OPHN1: variants seen among roughly 807,000 people sequenced by gnomAD.
OPHN1 encodes the protein oligophrenin-1.
A neutral mutation model predicts 60.7 loss-of-function variants in OPHN1; 11 were observed. That is an observed-to-expected ratio of 0.18 (90% CI 0.11 to 0.30). OPHN1 has a LOEUF of 0.30. OPHN1 is among the 10% of genes least tolerant of loss of function. The pLI is 1.00. For missense variants in OPHN1, 449 were observed against 611.0 expected, an observed-to-expected ratio of 0.73 and a Z score of 2.80; for synonymous variants, 226 against 222.6, an observed-to-expected ratio of 1.02 and a Z score of -0.14.
chrX:68,339,922 A>G (rs769651788), intron 2 of OPHN1, among the ~76,000 whole-genome samples: 18 of 112,465 alleles, frequency 1.6e-4, no homozygotes, highest in Non-Finnish European at 2.8e-4. Context: ...ATTTCTATAC[A>G]CTAGCAATAA....
rs1602150089 is a variant in OPHN1 at position 68,092,430 on chromosome X, G to A, written c.1686+4440C>T. Reference sequence around the variant, plus strand: ...AACTTGATAAGTATTTAATAAACTGGGATTTCATTTCATATCTCCATGTAA... The same window carrying A: ...AACTTGATAAGTATTTAATAAACTGAGATTTCATTTCATATCTCCATGTAA... On this transcript the variant is annotated intron_variant, in intron 19 of 24. Coordinates refer to ENST00000355520, the MANE Select transcript of OPHN1 (RefSeq NM_002547.3). Among the ~76,000 whole-genome samples the A allele has an allele frequency of 4.5e-5, 5 of 111,393 alleles. No homozygotes were observed. In the South Asian group the frequency reaches 1.9e-3, roughly 42 times the overall value.
intron 15 of OPHN1, among the ~76,000 whole-genome samples, chrX:68,155,755 A>G (rs1213175431): frequency 8.9e-6 from 1 of 111,908 alleles, no homozygotes; most frequent in East Asian, 2.8e-4. Context: ...ATATCTTACT[A>G]GAAAACCCAA....
intron 7 of OPHN1, 38 bp downstream of exon 7, chrX:68,213,823 TA>T: frequency 1.2e-6 from 1 of 808,721 alleles, no homozygotes; most frequent in Non-Finnish European, 1.9e-6. Flanking sequence ...AGGCATTTGA[TA>T]AATATTTTTA....
chrX:68,404,744 A>G (rs2078733243), intron 2 of OPHN1, among the ~76,000 whole-genome samples: 1 of 112,146 alleles, frequency 8.9e-6, no homozygotes, highest in African/African-American at 3.2e-5. Context: ...GAATAAACCA[A>G]AAAAAGAAAG....
At chrX:68,132,790 G>C (rs1323929007) in intron 15 of OPHN1, 2 of 176,000 alleles carry the variant, frequency 1.1e-5, no homozygotes, top group Non-Finnish European at 2.1e-5. Context: ...GGCTTGGCTG[G>C]CGAGCCCCAC....
In OPHN1 at chrX:68,380,376, A is replaced by T. The variant is rs754783110; in HGVS notation, c.154+52491T>A. ...TCAATTTTGTTGATCCTTTCAAAAA[A>T]CGAGCTCCTGTATTCATTGATTTTT... On this transcript the variant is annotated intron_variant, in intron 2 of 24. Coordinates refer to ENST00000355520, the MANE Select transcript of OPHN1 (RefSeq NM_002547.3). Among the ~76,000 whole-genome samples the T allele has an allele frequency of 6.3e-5, 7 of 111,030 alleles. 1 individual carries two copies. In the South Asian group the frequency reaches 2.3e-3, roughly 37 times the overall value.
At chrX:68,074,326 G>A (rs2076946097) in intron 19 of OPHN1, among the ~76,000 whole-genome samples, 1 of 111,725 alleles carries the variant, frequency 9.0e-6, no homozygotes, top group Non-Finnish European at 1.9e-5. Context: ...CAAACCGTGA[G>A]TATATGCCTC....
intron 21 of OPHN1, among the ~76,000 whole-genome samples, chrX:68,058,007 T>C (rs1018600372): frequency 9.0e-6 from 1 of 111,532 alleles, no homozygotes; most frequent in Non-Finnish European, 1.9e-5. Flanking sequence ...CTTCAAGTTC[T>C]AGGGTACGTG....
At chrX:68,147,128 C>G (rs1296384004) in intron 15 of OPHN1, among the ~76,000 whole-genome samples, 1 of 111,656 alleles carries the variant, frequency 9.0e-6, no homozygotes, top group East Asian at 2.8e-4. Context: ...GATAAGTAAG[C>G]TACAACGGTT....
At chrX:68,132,918 G>T in intron 15 of OPHN1, 1 of 368,069 alleles carries the variant, frequency 2.7e-6, no homozygotes, top group Middle Eastern at 8.0e-4. Context: ...CAAAGCTGCT[G>T]AGTCCCTGCT....
At chrX:68,166,699 A>G (rs1018480188) in intron 15 of OPHN1, among the ~76,000 whole-genome samples, 2 of 111,491 alleles carry the variant, frequency 1.8e-5, no homozygotes, top group Admixed American at 1.9e-4. Flanking sequence ...CACACAGGTC[A>G]GTGGAACAGA....
At chrX:68,279,272 A>C (rs1330704891) in intron 4 of OPHN1, among the ~76,000 whole-genome samples, 1 of 105,320 alleles carries the variant, frequency 9.5e-6, no homozygotes, top group Non-Finnish European at 1.9e-5. Context: ...GATAACGCCC[A>C]GCTAATTTTT....
chrX:68,347,947 A>G (rs2078387034), intron 2 of OPHN1, among the ~76,000 whole-genome samples: 1 of 112,180 alleles, frequency 8.9e-6, no homozygotes, highest in African/African-American at 3.2e-5. Context: ...AGAGCAACCT[A>G]TCAAGGAATA....
intron 5 of OPHN1, among the ~76,000 whole-genome samples, chrX:68,270,754 A>C: frequency 9.0e-6 from 1 of 111,503 alleles, no homozygotes. Flanking sequence ...TTAAAAAAAA[A>C]GAATCTCAAA....
chrX:68,273,253 A>G (rs1311280996), intron 5 of OPHN1, among the ~76,000 whole-genome samples: 2 of 112,042 alleles, frequency 1.8e-5, no homozygotes, highest in Non-Finnish European at 3.8e-5. Flanking sequence ...GATTGTCATC[A>G]TATTCCAAAT....
intron 15 of OPHN1, among the ~76,000 whole-genome samples, chrX:68,126,523 C>A (rs765707327): frequency 6.3e-5 from 7 of 111,025 alleles, no homozygotes; most frequent in African/African-American, 2.3e-4. Context: ...CGGCTCACTG[C>A]AACCTCTGCC....
chrX:68,412,539 A>G (rs1268613701), intron 2 of OPHN1, among the ~76,000 whole-genome samples: 1 of 111,903 alleles, frequency 8.9e-6, no homozygotes, highest in African/African-American at 3.2e-5. Flanking sequence ...TTACAAGACG[A>G]TAAGAGTTCT....
At chrX:68,370,889 G>A (rs1017466377) in intron 2 of OPHN1, among the ~76,000 whole-genome samples, 2 of 110,865 alleles carry the variant, frequency 1.8e-5, no homozygotes, top group African/African-American at 6.6e-5. Flanking sequence ...AAGAAGAAGG[G>A]ACTCAAAACG....
At chrX:68,370,063 T>C (rs1435486065) in intron 2 of OPHN1, among the ~76,000 whole-genome samples, 1 of 93,460 alleles carries the variant, frequency 1.1e-5, no homozygotes, top group African/African-American at 4.2e-5. Flanking sequence ...CAACCAAGAA[T>C]TCTGCATCTG....
Sources: gnomAD v4.1 joint callset for allele counts (sites outside exome capture counted in the v4.1 genomes callset) on GRCh38, gnomAD v4.1.1 for gene constraint, MANE v1.5 for transcripts, NCBI Gene and HGNC (gene_info 2026-07-23, HGNC 2026-07-21) for gene names.